PSMD1: variants seen among roughly 807,000 people sequenced by gnomAD.
PSMD1 encodes proteasome 26S subunit, non-ATPase 1.
A neutral mutation model predicts 119.0 loss-of-function variants in PSMD1; 18 were observed. That is an observed-to-expected ratio of 0.15 (90% CI 0.10 to 0.22). PSMD1 has a LOEUF of 0.22. Ranked by LOEUF, PSMD1 falls within the 10% of genes least tolerant of loss-of-function variation. The pLI is 1.00. For synonymous variants in PSMD1, 374 were observed against 396.6 expected, an observed-to-expected ratio of 0.94 and a Z score of 0.68; for missense variants, 702 against 1,158.5, an observed-to-expected ratio of 0.61 and a Z score of 5.72.
At chr2:231,137,411 G>A (rs902062490) in intron 16 of PSMD1, among the ~76,000 whole-genome samples, 4 of 152,146 alleles carry the variant, frequency 2.6e-5, no homozygotes, top group East Asian at 1.9e-4. Context: ...CACTGTGCCC[G>A]CCTTTAATAC....
At chr2:231,109,464 G>C (rs1024019911) in intron 16 of PSMD1, 4 of 1,423,496 alleles carry the variant, frequency 2.8e-6, no homozygotes, top group Non-Finnish European at 4.0e-6. Context: ...GTAACTCTTC[G>C]ATTAGATCCT....
At chr2:231,120,089 C>A (rs1318147522) in intron 16 of PSMD1, among the ~76,000 whole-genome samples, 1 of 151,690 alleles carries the variant, frequency 6.6e-6, no homozygotes, top group Non-Finnish European at 1.5e-5. Flanking sequence ...GTAGCTGGGA[C>A]TACAGGCGCG....
intron 16 of PSMD1, among the ~76,000 whole-genome samples, chr2:231,088,458 A>G (rs1214079252): frequency 6.6e-6 from 1 of 152,242 alleles, no homozygotes; most frequent in Non-Finnish European, 1.5e-5. Context: ...CCATTTTTCT[A>G]ACAATGTGTG....
intron 16 of PSMD1, among the ~76,000 whole-genome samples, chr2:231,126,441 A>G (rs1695722722): frequency 6.6e-6 from 1 of 152,116 alleles, no homozygotes; most frequent in Non-Finnish European, 1.5e-5. Context: ...TCTTGTCTCC[A>G]AGATTAAAAA....
intron 19 of PSMD1, among the ~76,000 whole-genome samples, chr2:231,156,924 T>C (rs149895406): frequency 6.6e-4 from 101 of 152,346 alleles, no homozygotes; most frequent in Middle Eastern, 6.8e-3. Context: ...ACTTACTACT[T>C]ATCCTAATTG....
chr2:231,077,557 A>G (rs1038205432), intron 9 of PSMD1, among the ~76,000 whole-genome samples: 102 of 152,278 alleles, frequency 6.7e-4, no homozygotes, highest in Non-Finnish European at 7.5e-4. Flanking sequence ...TTATTACAAA[A>G]AAAAAAGAAT....
intron 11 of PSMD1, 28 bp from the exon 12 acceptor site, chr2:231,080,113 A>G: frequency 1.3e-6 from 2 of 1,559,876 alleles, no homozygotes; most frequent in Non-Finnish European, 1.7e-6. Context: ...TCTCTTTTTG[A>G]TGTCTTTGTT....
Position 231,109,009 on chromosome 2 carries a change from G to C in PSMD1, c.1883+21828G>C, listed in dbSNP as rs371120289. ...CTAGGACCTTTGAGGCTCTCTGTTC[G>C]TTGGAAATGGTCTGCACTGACTTTT... On this transcript the variant is annotated intron_variant, in intron 16 of 24. Coordinates refer to ENST00000308696, the MANE Select transcript of PSMD1 (RefSeq NM_002807.4). The C allele has an allele frequency of 3.1e-6, 5 of 1,614,078 alleles. No individual in the cohort carries two copies. The highest frequency in any genetic ancestry group is 4.2e-6 in the Non-Finnish European group (5 of 1,180,032).
At chr2:231,078,594 G>A (rs944508540) in intron 9 of PSMD1, 65 bp from the exon 10 acceptor site, 12 of 1,182,248 alleles carry the variant, frequency 1.0e-5, no homozygotes, top group African/African-American at 9.3e-5. Flanking sequence ...CTGACTGTGT[G>A]TGTGAGGGTG....
At chr2:231,096,591 C>T (rs537284733) in intron 16 of PSMD1, among the ~76,000 whole-genome samples, 1 of 152,298 alleles carries the variant, frequency 6.6e-6, no homozygotes, top group South Asian at 2.1e-4. Flanking sequence ...TATAAAGTTT[C>T]GGTGCCACAA....
rs142850899 is a variant in PSMD1 at position 231,133,234 on chromosome 2, G to A, written c.1884-5502G>A. ...TGAGTAGCTGAGACCACAGATGCGC[G>A]CCACCACACCCGGCTAATTTTTGTA... On this transcript the variant is annotated intron_variant, in intron 16 of 24. Coordinates refer to ENST00000308696, the MANE Select transcript of PSMD1 (RefSeq NM_002807.4). 9.1e-4 allele frequency among the ~76,000 whole-genome samples: 139 copies of A among 152,064 alleles called. 1 individual carries two copies. The highest frequency in any genetic ancestry group is 3.0e-3 in the African/African-American group (126 of 41,474).
At chr2:231,110,193 G>A (rs905641163) in intron 16 of PSMD1, among the ~76,000 whole-genome samples, 1 of 151,992 alleles carries the variant, frequency 6.6e-6, no homozygotes, top group East Asian at 1.9e-4. Flanking sequence ...GGTGGCACGC[G>A]CCTGTACTCC....
chr2:231,113,453 G>C (rs2125213640), intron 16 of PSMD1, among the ~76,000 whole-genome samples: 1 of 152,298 alleles, frequency 6.6e-6, no homozygotes, highest in African/African-American at 2.4e-5. Context: ...TAACCTTTCT[G>C]CATATAGAAA....
At chr2:231,096,373 T>C (rs1033955055) in intron 16 of PSMD1, among the ~76,000 whole-genome samples, 2 of 152,176 alleles carry the variant, frequency 1.3e-5, no homozygotes, top group Non-Finnish European at 2.9e-5. Flanking sequence ...AGGTAGGTGA[T>C]GGTTCCTCTT....
intron 12 of PSMD1, among the ~76,000 whole-genome samples, chr2:231,081,129 G>A (rs1211028959): frequency 8.8e-6 from 1 of 113,820 alleles, no homozygotes; most frequent in African/African-American, 3.3e-5. Flanking sequence ...TGGGCGACAA[G>A]ACAGAAACTC....
chr2:231,165,796 C>A (rs2303351), intron 22 of PSMD1, 75 bp from the exon 23 acceptor site: 472,138 of 1,299,042 alleles, frequency 0.36, 97,258 homozygotes, highest in African/African-American at 0.82. Flanking sequence ...GCTGCTCAGT[C>A]AACTTCAGAT....
intron 22 of PSMD1, 105 bp downstream of exon 22, chr2:231,165,391 C>T: frequency 7.8e-7 from 1 of 1,285,828 alleles, no homozygotes; most frequent in Non-Finnish European, 1.0e-6. Context: ...TGGCTTCCTT[C>T]AAACAATTAT....
intron 1 of PSMD1, among the ~76,000 whole-genome samples, chr2:231,059,346 G>C (rs1258889974): frequency 6.6e-6 from 1 of 152,132 alleles, no homozygotes; most frequent in Non-Finnish European, 1.5e-5. Flanking sequence ...TGCTAAACAG[G>C]CTAGTCTCAT....
chr2:231,097,397 T>C (rs546901559), intron 16 of PSMD1, among the ~76,000 whole-genome samples: 1 of 152,356 alleles, frequency 6.6e-6, no homozygotes, highest in South Asian at 2.1e-4. Context: ...GACCTTGCAG[T>C]GCCTTTGTTA....
Sources: gnomAD v4.1 joint callset for allele counts (sites outside exome capture counted in the v4.1 genomes callset) on GRCh38, gnomAD v4.1.1 for gene constraint, MANE v1.5 for transcripts, NCBI Gene and HGNC (gene_info 2026-07-23, HGNC 2026-07-21) for gene names.